SHROOM3: variants seen among roughly 807,000 people sequenced by gnomAD.
SHROOM3 encodes the protein shroom family member 3.
Under a neutral mutation model 138.6 loss-of-function variants are expected in SHROOM3, and 47 were observed. The observed-to-expected ratio is 0.34, with a 90% CI of 0.27 to 0.43. The LOEUF is 0.43. SHROOM3 is among the 20% of genes least tolerant of loss of function. SHROOM3 has a pLI of 1.00. For synonymous variants in SHROOM3, 1,062 were observed against 1,063.3 expected, an observed-to-expected ratio of 1.00 and a Z score of 0.02; for missense variants, 2,491 against 2,596.5, an observed-to-expected ratio of 0.96 and a Z score of 0.88.
At chr4:76,492,560 CA>C (rs1214513822) in intron 1 of SHROOM3, among the ~76,000 whole-genome samples, 1 of 152,068 alleles carries the variant, frequency 6.6e-6, no homozygotes, top group Non-Finnish European at 1.5e-5. Context: ...GTATTATATA[CA>C]TATAAAGTTT....
At chr4:76,491,936 T>C (rs1352296863) in intron 1 of SHROOM3, among the ~76,000 whole-genome samples, 1 of 152,134 alleles carries the variant, frequency 6.6e-6, no homozygotes, top group Non-Finnish European at 1.5e-5. Flanking sequence ...GCCTCCAAAA[T>C]AGTAAGAGTT....
At chr4:76,634,712 T>C (rs1735440403) in intron 2 of SHROOM3, among the ~76,000 whole-genome samples, 1 of 152,188 alleles carries the variant, frequency 6.6e-6, no homozygotes, top group Admixed American at 6.5e-5. Context: ...CCGTATTTCA[T>C]ATATGTATTC....
intron 1 of SHROOM3, among the ~76,000 whole-genome samples, chr4:76,442,203 A>G (rs1402127957): frequency 1.3e-5 from 2 of 152,220 alleles, no homozygotes; most frequent in African/African-American, 4.8e-5. Flanking sequence ...TAAATGTTAA[A>G]TGACTTACAG....
intron 2 of SHROOM3, among the ~76,000 whole-genome samples, chr4:76,646,512 C>T (rs921803598): frequency 1.3e-5 from 2 of 151,728 alleles, no homozygotes; most frequent in Admixed American, 6.6e-5. Context: ...TGTTAAGGTC[C>T]CTCTTCTTTG....
rs565900077 is a variant in SHROOM3 at position 76,715,480 on chromosome 4, C to G, written c.455+5193C>G. Among the ~76,000 whole-genome samples, 5 of 152,288 alleles carry G rather than the reference C, an allele frequency of 3.3e-5. No individual in the cohort carries two copies. In the South Asian group the frequency reaches 1.0e-3, roughly 32 times the overall value. ...AAACTTCTCTCTAAAATCTATCAAG[C>G]CTTGGGCTAGGGTAATGAGTCGGTA... On this transcript the variant is annotated intron_variant, in intron 3 of 10. Coordinates refer to ENST00000296043, the MANE Select transcript of SHROOM3 (RefSeq NM_020859.4).
chr4:76,557,226 T>TATACAC, intron 2 of SHROOM3, among the ~76,000 whole-genome samples: 1 of 142,020 alleles, frequency 7.0e-6, no homozygotes, highest in African/African-American at 2.7e-5. Context: ...TGTTTATGTA[T>TATACAC]ACACACACAC....
intron 2 of SHROOM3, among the ~76,000 whole-genome samples, chr4:76,616,790 A>G (rs1286117202): frequency 6.6e-6 from 1 of 152,198 alleles, no homozygotes; most frequent in African/African-American, 2.4e-5. Context: ...ACTTAACACT[A>G]TGAACTGTTC....
intron 2 of SHROOM3, among the ~76,000 whole-genome samples, chr4:76,598,471 A>T: frequency 6.6e-6 from 1 of 152,376 alleles, no homozygotes; most frequent in Middle Eastern, 3.4e-3. Context: ...GAGTGAAGAC[A>T]TTCTAGCTAG....
intron 1 of SHROOM3, among the ~76,000 whole-genome samples, chr4:76,481,529 A>G (rs1286410917): frequency 6.6e-6 from 1 of 151,722 alleles, no homozygotes; most frequent in Non-Finnish European, 1.5e-5. Context: ...AAAAAAGCCC[A>G]GGACCAGATT....
chr4:76,567,657 TTAA>T (rs1444786623), intron 2 of SHROOM3, among the ~76,000 whole-genome samples: 2 of 151,964 alleles, frequency 1.3e-5, no homozygotes, highest in African/African-American at 4.8e-5. Flanking sequence ...CTCAAAAAAA[TTAA>T]TAAATAACTA....
At chr4:76,533,841 G>T (rs531727934) in intron 1 of SHROOM3, among the ~76,000 whole-genome samples, 192 of 152,268 alleles carry the variant, frequency 1.3e-3, no homozygotes, top group African/African-American at 4.5e-3. Context: ...CTCAAGCTGC[G>T]TTTTGTTTTT....
intron 9 of SHROOM3, 58 bp downstream of exon 9, chr4:76,759,753 A>G (rs2110147762): frequency 1.3e-6 from 2 of 1,581,398 alleles, no homozygotes; most frequent in East Asian, 2.3e-5. Context: ...GACAAGGTCC[A>G]TGTAATCAGC....
At chr4:76,747,820 C>T (rs1721491360) in intron 5 of SHROOM3, among the ~76,000 whole-genome samples, 1 of 152,186 alleles carries the variant, frequency 6.6e-6, no homozygotes, top group South Asian at 2.1e-4. Flanking sequence ...AGTCTGATTA[C>T]ATCCAGCCCA....
chr4:76,522,122 TA>T (rs1044236400), intron 1 of SHROOM3, among the ~76,000 whole-genome samples: 2 of 150,054 alleles, frequency 1.3e-5, no homozygotes, highest in Non-Finnish European at 3.0e-5. Context: ...ACATGATAAT[TA>T]AATACAGTGA....
intron 2 of SHROOM3, among the ~76,000 whole-genome samples, chr4:76,693,210 C>T (rs1309663168): frequency 1.3e-5 from 2 of 152,060 alleles, no homozygotes; most frequent in Admixed American, 1.3e-4. Flanking sequence ...ATGTCAACTA[C>T]TATTTCCAGG....
chr4:76,705,324 AC>A, intron 2 of SHROOM3, among the ~76,000 whole-genome samples: 1 of 151,946 alleles, frequency 6.6e-6, no homozygotes, highest in African/African-American at 2.4e-5. Context: ...AACAACAACA[AC>A]AACAACAACA....
intron 9 of SHROOM3, among the ~76,000 whole-genome samples, chr4:76,766,707 C>A (rs1234125007): frequency 6.6e-6 from 1 of 152,190 alleles, no homozygotes; most frequent in Non-Finnish European, 1.5e-5. Context: ...CTTTCTCTTG[C>A]TGCTGTCAGT....
chr4:76,669,279 G>A (rs1718807971), intron 2 of SHROOM3, among the ~76,000 whole-genome samples: 3 of 152,112 alleles, frequency 2.0e-5, no homozygotes, highest in Admixed American at 2.0e-4. Context: ...TTACGTGTAG[G>A]GGAATCTGTC....
intron 2 of SHROOM3, among the ~76,000 whole-genome samples, chr4:76,599,852 ACT>A (rs1436615922): frequency 6.6e-6 from 1 of 152,194 alleles, no homozygotes; most frequent in Non-Finnish European, 1.5e-5. Context: ...TGTTGGTGCT[ACT>A]GTACTTGTTA....
Sources: allele counts gnomAD v4.1 joint callset (sites outside exome capture counted in the v4.1 genomes callset), GRCh38; gene constraint gnomAD v4.1.1; transcripts MANE v1.5; gene names NCBI Gene and HGNC (gene_info 2026-07-23, HGNC 2026-07-21).